ZNF704: variants seen among roughly 807,000 people sequenced by gnomAD.
The protein encoded by ZNF704 is glucocorticoid induced gene 1.
A neutral mutation model predicts 44.7 loss-of-function variants in ZNF704; 10 were observed. That is an observed-to-expected ratio of 0.22 (90% CI 0.14 to 0.38). ZNF704 has a LOEUF of 0.38. Ranked by LOEUF, ZNF704 falls within the 10% of genes least tolerant of loss-of-function variation. ZNF704 has a pLI of 1.00. For synonymous variants in ZNF704, 211 were observed against 207.6 expected, an observed-to-expected ratio of 1.02 and a Z score of -0.14; for missense variants, 390 against 545.5, an observed-to-expected ratio of 0.71 and a Z score of 2.84.
intron 2 of ZNF704, among the ~76,000 whole-genome samples, chr8:80,719,000 T>G (rs1819119653): frequency 6.6e-6 from 1 of 152,094 alleles, no homozygotes; most frequent in Non-Finnish European, 1.5e-5. Flanking sequence ...GGTCTCACTC[T>G]GTTGTCCAGG....
At chr8:80,768,214 C>A (rs949064528) in intron 2 of ZNF704, among the ~76,000 whole-genome samples, 1 of 152,108 alleles carries the variant, frequency 6.6e-6, no homozygotes, top group Non-Finnish European at 1.5e-5. Context: ...AGAAATGATT[C>A]TTTAATACTA....
intron 1 of ZNF704, among the ~76,000 whole-genome samples, chr8:80,825,938 G>T (rs536112953): frequency 1.4e-4 from 21 of 152,280 alleles, no homozygotes; most frequent in Admixed American, 6.5e-4. Context: ...TGTCTGGAGG[G>T]AAATTTATTG....
In ZNF704 at chr8:80,738,572, CT is replaced by C. The variant is rs60033942; in HGVS notation, c.222-45466del. 2.9e-3 allele frequency among the ~76,000 whole-genome samples: 429 copies of C among 147,264 alleles called. 1 individual carries two copies. Among genetic ancestry groups the C allele is most frequent in the East Asian group, 0.012 (59 of 5,048 alleles). ...CATGAGGTTGGTTTGACTCCAGAGT[CT>C]TTTTTTTTTTCTTTACTGAACCTTT... On this transcript the variant is annotated intron_variant, in intron 2 of 8. Transcript: ENST00000327835.
intron 2 of ZNF704, among the ~76,000 whole-genome samples, chr8:80,784,167 C>A (rs1264190873): frequency 6.6e-6 from 1 of 152,156 alleles, no homozygotes; most frequent in Non-Finnish European, 1.5e-5. Flanking sequence ...ATCCATTCAC[C>A]TACTGAAGGA....
At chr8:80,664,013 G>C (rs1341290227) in intron 6 of ZNF704, among the ~76,000 whole-genome samples, 1 of 151,668 alleles carries the variant, frequency 6.6e-6, no homozygotes, top group Non-Finnish European at 1.5e-5. Context: ...TTACAGGTGT[G>C]AGCCACTGTG....
rs1188368022 is a variant in ZNF704, at chr8:80,791,168, GGAT to G, written c.221+30203_221+30205del. 2.6e-5 allele frequency among the ~76,000 whole-genome samples: 4 copies of G among 152,164 alleles called. No homozygotes were observed. In the East Asian group the frequency reaches 7.7e-4, roughly 29 times the overall value. ...AATATCTTCAGGTAAAATGGAATTA[GGAT>G]GAGAGTGTAGAATGTAAAAGGATAT... On this transcript the variant is annotated intron_variant, in intron 2 of 8. Coordinates refer to ENST00000327835, the MANE Select transcript of ZNF704 (RefSeq NM_001033723.3).
rs545947660 is a variant in ZNF704 at position 80,780,039 on chromosome 8, G to C, written c.221+41335C>G. 2.0e-5 allele frequency among the ~76,000 whole-genome samples: 3 copies of C among 152,152 alleles called. No individual in the cohort carries two copies. The East Asian group carries it at 5.8e-4, about 29-fold the overall frequency. ...TCAGATGGACTTTGAAAGATATCTG[G>C]GTGTTAGGTGATACAGGGGTAGGGG... On this transcript the variant is annotated intron_variant, in intron 2 of 8. Transcript: ENST00000327835.
chr8:80,746,910 T>C (rs1223145950), intron 2 of ZNF704, among the ~76,000 whole-genome samples: 1 of 152,178 alleles, frequency 6.6e-6, no homozygotes, highest in Non-Finnish European at 1.5e-5. Flanking sequence ...AAAGTACACA[T>C]CAATCAGTCC....
chr8:80,845,843 T>C (rs780377024), intron 1 of ZNF704, among the ~76,000 whole-genome samples: 16 of 152,156 alleles, frequency 1.1e-4, no homozygotes, highest in Admixed American at 4.6e-4. Flanking sequence ...CCACTGTTTA[T>C]TATCATCAAG....
chr8:80,867,502 C>A (rs903209590), intron 1 of ZNF704, among the ~76,000 whole-genome samples: 1 of 151,794 alleles, frequency 6.6e-6, no homozygotes, highest in East Asian at 1.9e-4. Context: ...CCCAGATGGA[C>A]CAGGCATACC....
chr8:80,806,446 C>T (rs6473251), intron 2 of ZNF704, among the ~76,000 whole-genome samples: 32,416 of 152,074 alleles, frequency 0.21, 4,839 homozygotes, highest in African/African-American at 0.43. Context: ...ATTTCATTTC[C>T]AGCCTAGGTA....
At chr8:80,689,189 A>C (rs1563519682) in intron 3 of ZNF704, among the ~76,000 whole-genome samples, 2 of 152,178 alleles carry the variant, frequency 1.3e-5, no homozygotes. Flanking sequence ...ATGTCTGTGT[A>C]ATTAGTAATG....
intron 7 of ZNF704, among the ~76,000 whole-genome samples, chr8:80,657,311 A>G (rs2131602842): frequency 6.6e-6 from 1 of 152,312 alleles, no homozygotes; most frequent in Non-Finnish European, 1.5e-5. Flanking sequence ...TAGGAATGGC[A>G]AGCTTGACTG....
At chr8:80,683,003 C>A (rs1210670411) in intron 4 of ZNF704, among the ~76,000 whole-genome samples, 1 of 152,162 alleles carries the variant, frequency 6.6e-6, no homozygotes, top group African/African-American at 2.4e-5. Context: ...TTCTGATCAG[C>A]GCTTCTTGAC....
chr8:80,757,800 C>T (rs1328203132), intron 2 of ZNF704, among the ~76,000 whole-genome samples: 2 of 152,302 alleles, frequency 1.3e-5, no homozygotes, highest in South Asian at 2.1e-4. Flanking sequence ...GTATTCCGTA[C>T]AATAACACGC....
At chr8:80,840,239 A>G (rs1207450394) in intron 1 of ZNF704, among the ~76,000 whole-genome samples, 1 of 152,240 alleles carries the variant, frequency 6.6e-6, no homozygotes, top group African/African-American at 2.4e-5. Context: ...TGCGGGCCGC[A>G]TGAGGTCCAG....
chr8:80,769,417 G>C (rs1388454757), intron 2 of ZNF704, among the ~76,000 whole-genome samples: 1 of 152,100 alleles, frequency 6.6e-6, no homozygotes, highest in African/African-American at 2.4e-5. Flanking sequence ...CCTGAGACTG[G>C]GCAATTTACA....
At chr8:80,745,854 G>T (rs374058796) in intron 2 of ZNF704, among the ~76,000 whole-genome samples, 14 of 152,242 alleles carry the variant, frequency 9.2e-5, no homozygotes, top group African/African-American at 2.9e-4. Context: ...TCTAAAGACA[G>T]TGTGTACAAA....
intron 7 of ZNF704, among the ~76,000 whole-genome samples, chr8:80,648,236 C>T (rs1479044558): frequency 6.6e-6 from 1 of 152,136 alleles, no homozygotes; most frequent in Non-Finnish European, 1.5e-5. Context: ...ACTTGCAAAC[C>T]ACAACATGGA....
Sources: allele counts gnomAD v4.1 joint callset (sites outside exome capture counted in the v4.1 genomes callset), GRCh38; gene constraint gnomAD v4.1.1; transcripts MANE v1.5; gene names NCBI Gene and HGNC (gene_info 2026-07-23, HGNC 2026-07-21).